Variants in CD46 observed in about 807,000 individuals in gnomAD.
The protein encoded by CD46 is CD46 molecule.
A neutral mutation model predicts 53.3 loss-of-function variants in CD46; 30 were observed. The observed-to-expected ratio is 0.56, with a 90% CI of 0.42 to 0.76. The LOEUF is 0.76. CD46 is among the 30% of genes least tolerant of loss of function. The pLI, the probability that CD46 is intolerant of heterozygous loss-of-function variation, is 0.00. For missense variants in CD46, 409 were observed against 463.0 expected (o/e 0.88, Z 1.07); for synonymous variants, 142 against 152.0 (o/e 0.93, Z 0.48).
At chr1:207,789,870 GAAAAAAAAAAAAA>G (rs150136290) in intron 11 of CD46, among the ~76,000 whole-genome samples, 60 of 43,374 alleles carry the variant, frequency 1.4e-3, no homozygotes, top group East Asian at 4.7e-3. Flanking sequence ...GCTGTGTCTT[GAAAAAAAAAAAAA>G]AAAAAAAAAA....
chr1:207,758,748 T>C (rs1023623788), intron 3 of CD46, among the ~76,000 whole-genome samples: 9 of 152,196 alleles, frequency 5.9e-5, no homozygotes, highest in African/African-American at 2.2e-4. Flanking sequence ...CTGACAGTTT[T>C]TAAAATTTGG....
rs1426269492 is a variant in CD46 at position 207,794,878 on chromosome 1, AT to A, written c.*1403del. The A allele has an allele frequency of 6.6e-5, 10 of 152,338 alleles. No homozygotes were observed. In the East Asian group the frequency reaches 1.7e-3, roughly 26 times the overall value. The allele number at this position is 152,338 out of a possible 1,614,324, so 9.4% of individuals were successfully genotyped here. A position where few individuals can be genotyped will look rare whatever the true frequency, so the allele number is the denominator to read the frequency against. On this transcript the variant is annotated 3_prime_UTR_variant, in exon 13 of 13. Transcript: ENST00000367042. Reference sequence around the variant, plus strand: ...TGAAATTTTATGTTTAGTTGCACAAATTGGGCCAAAGAAACATTGCCTTGAG... The same window carrying A: ...TGAAATTTTATGTTTAGTTGCACAAATGGGCCAAAGAAACATTGCCTTGAG...
intron 8 of CD46, 108 bp from the exon 9 acceptor site, chr1:207,783,184 C>T: frequency 1.7e-6 from 1 of 589,736 alleles, no homozygotes; most frequent in South Asian, 2.4e-5. Flanking sequence ...AAGGGATTTT[C>T]TACAAAGGTG....
Position 207,759,289 on chromosome 1 carries a change from G to A in CD46, c.390-350G>A, listed in dbSNP as rs140602654. 3.4e-3 allele frequency among the ~76,000 whole-genome samples: 514 copies of A among 152,274 alleles called. 3 individuals carry two copies. The highest frequency in any genetic ancestry group is 0.012 in the African/African-American group (488 of 41,556). On this transcript the variant is annotated intron_variant, in intron 3 of 12. Coordinates refer to ENST00000367042, the MANE Select transcript of CD46 (RefSeq NM_172351.3). ...TGAATCTATCCATTCCAGCTCTAGGGCCTGTTCTCTCTACACAGTCCTTGT... is the reference window on the plus strand; with the variant it reads ...TGAATCTATCCATTCCAGCTCTAGGACCTGTTCTCTCTACACAGTCCTTGT...
intron 12 of CD46, 47 bp downstream of exon 12, chr1:207,790,392 AAT>A: frequency 1.1e-6 from 1 of 928,388 alleles, no homozygotes; most frequent in East Asian, 2.4e-5. Context: ...TCTTTTGAAA[AAT>A]ATTCAGTGGA....
intron 11 of CD46, among the ~76,000 whole-genome samples, chr1:207,788,508 A>G (rs982181399): frequency 1.3e-5 from 2 of 151,980 alleles, no homozygotes; most frequent in Non-Finnish European, 2.9e-5. Context: ...ACGGAGTGAG[A>G]CTCCATCTCA....
intron 1 of CD46, among the ~76,000 whole-genome samples, chr1:207,756,308 C>A (rs913636636): frequency 1.3e-5 from 2 of 152,208 alleles, no homozygotes; most frequent in Non-Finnish European, 2.9e-5. Flanking sequence ...TGAAAAGCAA[C>A]AGACTCATCA....
At chr1:207,792,732 G>A (rs531774527) in intron 12 of CD46, among the ~76,000 whole-genome samples, 3 of 152,198 alleles carry the variant, frequency 2.0e-5, no homozygotes, top group Admixed American at 6.5e-5. Flanking sequence ...AGGGCCCAGA[G>A]CTGTGCTGTC....
chr1:207,783,208 C>A, intron 8 of CD46, 84 bp from the exon 9 acceptor site: 1 of 730,834 alleles, frequency 1.4e-6, no homozygotes, highest in South Asian at 1.7e-5. Context: ...AAAAATCACC[C>A]TATGAGTTTA....
At position 207,757,204 on chromosome 1, in the gene CD46, T is replaced by C; in HGVS notation, c.286+2T>C. Reference sequence around the variant, plus strand: ...CTGTCTCAGATGACGCCTGTTATAGTAAGTAAACAAACCTCTTTTTTTTTT... The same window carrying C: ...CTGTCTCAGATGACGCCTGTTATAGCAAGTAAACAAACCTCTTTTTTTTTT... On this transcript the variant is annotated splice_donor_variant, in intron 2 of 12. Coordinates refer to ENST00000367042, the MANE Select transcript of CD46 (RefSeq NM_172351.3). LOFTEE classifies it high-confidence loss of function. 1 of 1,611,610 alleles carries C rather than the reference T, an allele frequency of 6.2e-7. No homozygotes were observed. Among genetic ancestry groups the C allele is most frequent in the Non-Finnish European group, 8.5e-7 (1 of 1,178,832 alleles).
intron 11 of CD46, 47 bp from the exon 12 acceptor site, chr1:207,790,206 G>A: frequency 3.1e-6 from 3 of 956,884 alleles, no homozygotes; most frequent in Non-Finnish European, 5.2e-6. Flanking sequence ...TTTCTTTTTG[G>A]TTTGAAGTCA....
intron 6 of CD46, 37 bp from the exon 7 acceptor site, chr1:207,767,742 T>C: frequency 6.2e-7 from 1 of 1,603,454 alleles, no homozygotes; most frequent in Non-Finnish European, 8.5e-7. Context: ...AACTCCCAAG[T>C]GTTTGGTCCA....
intron 8 of CD46, among the ~76,000 whole-genome samples, chr1:207,781,655 C>G (rs546723031): frequency 6.6e-6 from 1 of 152,212 alleles, no homozygotes; most frequent in African/African-American, 2.4e-5. Context: ...TCCAGTTTTA[C>G]CAGCACCATT....
In CD46 at chr1:207,752,072, ACCTGT is replaced by A. The variant is rs1416813962; in HGVS notation, c.-136_-132del. Reference sequence around the variant, plus strand: ...CCCGGGCGCGGCTCGGGCCACGCCCACCTGTCCTGCAGCACTGGATGCTTTGTGAG... The same window carrying A: ...CCCGGGCGCGGCTCGGGCCACGCCCACCTGCAGCACTGGATGCTTTGTGAG... On this transcript the variant is annotated 5_prime_UTR_variant, in exon 1 of 13. Coordinates refer to ENST00000367042, the MANE Select transcript of CD46 (RefSeq NM_172351.3). This position sits in a 1 kb window ranked among gnomAD's most constrained non-coding sequence, Gnocchi z 4.1. 1 of 885,500 alleles carries A rather than the reference ACCTGT, an allele frequency of 1.1e-6. No homozygotes were observed. Among genetic ancestry groups the A allele is most frequent in the Admixed American group, 1.7e-5 (1 of 58,184 alleles). The allele number at this position is 885,500 out of a possible 1,614,324, so 54.9% of individuals were successfully genotyped here.
intron 11 of CD46, 100 bp from the exon 12 acceptor site, chr1:207,790,153 T>C: frequency 2.6e-6 from 2 of 763,100 alleles, no homozygotes; most frequent in East Asian, 2.4e-5. Flanking sequence ...GCTTTCCTGC[T>C]ACTCTCTTAC....
chr1:207,772,837 T>G (rs545548353), intron 8 of CD46, among the ~76,000 whole-genome samples: 4 of 152,354 alleles, frequency 2.6e-5, no homozygotes, highest in African/African-American at 9.6e-5. Flanking sequence ...TCGATGTTCA[T>G]CAGGGATATT....
intron 12 of CD46, among the ~76,000 whole-genome samples, chr1:207,792,543 C>T (rs1323856360): frequency 6.6e-6 from 1 of 152,178 alleles, no homozygotes; most frequent in South Asian, 2.1e-4. Context: ...ATTCCACATG[C>T]TTAGCGTTCC....
chr1:207,766,848 G>C (rs1451134972), intron 5 of CD46, among the ~76,000 whole-genome samples, 165 bp from the exon 6 acceptor site: 1 of 152,148 alleles, frequency 6.6e-6, no homozygotes, highest in Non-Finnish European at 1.5e-5. Flanking sequence ...CTAGAATTCT[G>C]TATGAAGGAG....
Position 207,793,629 on chromosome 1 carries a change from ACT to A in CD46, c.*155_*156del. 2.0e-6 allele frequency: 3 copies of A among 1,534,964 alleles called. No homozygotes were observed. Among genetic ancestry groups the A allele is most frequent in the Non-Finnish European group, 2.7e-6 (3 of 1,108,508 alleles). On this transcript the variant is annotated 3_prime_UTR_variant, in exon 13 of 13. Transcript: ENST00000367042. ...ACCTGGTTTGCCAGTTCATCTTTTG[ACT>A]CTATTAAAATCTTCAATAGTTGTTA...
Sources: gnomAD v4.1 joint callset for allele counts (sites outside exome capture counted in the v4.1 genomes callset) on GRCh38, gnomAD v4.1.1 for gene constraint, Gnocchi (gnomAD v3.1) non-coding constraint, MANE v1.5 for transcripts, NCBI Gene and HGNC (gene_info 2026-07-23, HGNC 2026-07-21) for gene names.